Variants in DPYSL3 observed in about 807,000 individuals in gnomAD.
DPYSL3 encodes the protein dihydropyrimidinase-related protein 3.
DPYSL3 carries 16 observed loss-of-function variants against 66.1 expected under a neutral mutation model. The ratio of observed to expected loss-of-function variants is 0.24; its 90% CI spans 0.16 to 0.37. The LOEUF (loss-of-function observed/expected upper bound fraction) is 0.37, where lower values mean the gene tolerates loss of function less well. DPYSL3 is among the 10% of genes least tolerant of loss of function. DPYSL3 has a pLI of 1.00. For synonymous variants in DPYSL3, 338 were observed against 345.1 expected, an observed-to-expected ratio of 0.98 and a Z score of 0.23; for missense variants, 738 against 916.2, an observed-to-expected ratio of 0.81 and a Z score of 2.51.
At chr5:147,471,793 C>T (rs1046912933) in intron 1 of DPYSL3, among the ~76,000 whole-genome samples, 3 of 152,092 alleles carry the variant, frequency 2.0e-5, no homozygotes, top group Non-Finnish European at 4.4e-5. Flanking sequence ...AGGATAGAAA[C>T]TCTATAACAA....
At chr5:147,399,844 C>T (rs1166560792) in intron 10 of DPYSL3, among the ~76,000 whole-genome samples, 3 of 152,144 alleles carry the variant, frequency 2.0e-5, no homozygotes, top group African/African-American at 7.2e-5. Context: ...ACGTACTGCT[C>T]TGCAGTATAT....
rs1197596628 is a variant in DPYSL3 at position 147,424,865 on chromosome 5, A to G, written c.470+10T>C. 1.3e-6 allele frequency: 2 copies of G among 1,592,398 alleles called. No homozygotes were observed. Among genetic ancestry groups the G allele is most frequent in the Non-Finnish European group, 8.6e-7 (1 of 1,163,274 alleles). On this transcript the variant is annotated intron_variant, in intron 2 of 13. Coordinates refer to ENST00000343218, the MANE Select transcript of DPYSL3 (RefSeq NM_001197294.2). ...GCAAAACAATAAAGAGAAGAATTCC[A>G]TATACATACTTTATTAAGCCATCTT... is the stretch of plus-strand genomic sequence containing the variant.
At chr5:147,450,372 A>G (rs1752705136) in intron 1 of DPYSL3, among the ~76,000 whole-genome samples, 1 of 152,312 alleles carries the variant, frequency 6.6e-6, no homozygotes, top group South Asian at 2.1e-4. Flanking sequence ...TTAAGTGATA[A>G]TCATTATGTA....
intron 1 of DPYSL3, among the ~76,000 whole-genome samples, chr5:147,469,235 C>G (rs1753051105): frequency 6.6e-6 from 1 of 152,208 alleles, no homozygotes. Flanking sequence ...CAATACACCT[C>G]CTTGACTGTT....
chr5:147,429,428 C>T (rs1367354224), intron 1 of DPYSL3, among the ~76,000 whole-genome samples: 2 of 151,962 alleles, frequency 1.3e-5, no homozygotes, highest in Non-Finnish European at 2.9e-5. Context: ...TTTCATCAGC[C>T]CAGAGTGGAT....
intron 1 of DPYSL3, among the ~76,000 whole-genome samples, chr5:147,490,907 T>C (rs937947628): frequency 6.6e-6 from 1 of 152,206 alleles, no homozygotes; most frequent in Non-Finnish European, 1.5e-5. Context: ...ATGTGAATTT[T>C]ACCTTCAAGA....
intron 1 of DPYSL3, among the ~76,000 whole-genome samples, chr5:147,476,017 G>C (rs191166185): frequency 6.6e-6 from 1 of 152,128 alleles, no homozygotes; most frequent in Non-Finnish European, 1.5e-5. Flanking sequence ...AACCTGCTGA[G>C]GTTGATACTA....
chr5:147,404,959 A>T (rs1275026231), intron 8 of DPYSL3, among the ~76,000 whole-genome samples: 1 of 152,108 alleles, frequency 6.6e-6, no homozygotes, highest in African/African-American at 2.4e-5. Flanking sequence ...TGAGCACATG[A>T]CCCAAGCCAG....
chr5:147,486,877 C>G (rs868675467), intron 1 of DPYSL3, among the ~76,000 whole-genome samples: 1 of 152,146 alleles, frequency 6.6e-6, no homozygotes. Flanking sequence ...ATTCACTCTC[C>G]CAATTATATC....
rs17106690 is a variant in DPYSL3 at position 147,412,061 on chromosome 5, T to C, written c.963+547A>G. On this transcript the variant is annotated intron_variant, in intron 6 of 13. Coordinates refer to ENST00000343218, the MANE Select transcript of DPYSL3 (RefSeq NM_001197294.2). ...GGAGAGATAACTGCTTCCTTCTTCC[T>C]TACAAATGATCAATTTGGGCCTTGG... is the stretch of plus-strand genomic sequence containing the variant. Among the ~76,000 whole-genome samples the C allele has an allele frequency of 0.014, 2,093 of 152,298 alleles. 128 individuals are homozygous for C. The East Asian group carries it at 0.19, about 14-fold the overall frequency.
At chr5:147,401,808 C>T in intron 8 of DPYSL3, 112 bp from the exon 9 acceptor site, 4 of 1,332,984 alleles carry the variant, frequency 3.0e-6, no homozygotes, top group Non-Finnish European at 4.1e-6. Context: ...CAGAGTCAGA[C>T]TGACCTGGGT....
At position 147,401,592 on chromosome 5, in the gene DPYSL3, G is replaced by A; in HGVS notation, c.1258C>T (p.Pro420Ser). Residue 420 changes from proline (P) to serine (S), a missense_variant, in exon 9 of 14, where the codon CCC becomes TCC. Transcript: ENST00000343218. ...GGAGTAGTTGGGTCAGGGCTCAGGG[G>A]TGGGGATGTCACAAATGCAGCCGCC... ...AKAAAFVTSP[P>S]LSPDPTTPDY... 1 of 1,613,958 alleles carries A rather than the reference G, an allele frequency of 6.2e-7. No homozygotes were observed. The highest frequency in any genetic ancestry group is 1.3e-5 in the African/African-American group (1 of 75,028).
At chr5:147,421,643 T>C (rs1252085437) in intron 2 of DPYSL3, among the ~76,000 whole-genome samples, 1 of 152,194 alleles carries the variant, frequency 6.6e-6, no homozygotes, top group African/African-American at 2.4e-5. Context: ...AACAGCATGG[T>C]ACTGGTAGCA....
At position 147,395,593 on chromosome 5, in the gene DPYSL3, C is replaced by T. The variant is rs200227942; in HGVS notation, c.1932G>A (p.Val644=). ...RGSPTRPNPP[V]RNLHQSGFSL... ...TAAATCCCGACTGATGAAGATTCCT[C>T]ACAGGTGGGTTCGGCCGAGTAGGAG... Residue 644 remains valine, a synonymous_variant, in exon 13 of 14, where the codon GTG becomes GTA. Coordinates refer to ENST00000343218, the MANE Select transcript of DPYSL3 (RefSeq NM_001197294.2). The T allele has an allele frequency of 1.2e-6, 2 of 1,613,790 alleles. No homozygotes were observed. The highest frequency in any genetic ancestry group is 1.7e-6 in the Non-Finnish European group (2 of 1,179,894).
At chr5:147,431,750 C>T (rs1245180426) in intron 1 of DPYSL3, among the ~76,000 whole-genome samples, 2 of 152,162 alleles carry the variant, frequency 1.3e-5, no homozygotes, top group East Asian at 3.9e-4. Context: ...TCAGCCAAGA[C>T]TTCCCCTTTT....
chr5:147,404,520 C>T (rs867593227), intron 8 of DPYSL3, among the ~76,000 whole-genome samples: 3 of 152,206 alleles, frequency 2.0e-5, no homozygotes, highest in Admixed American at 6.5e-5. Context: ...GCCACTGGCA[C>T]GCAGCAGTAG....
chr5:147,418,588 T>C lies in DPYSL3; in HGVS notation c.514A>G (p.Ile172Val), dbSNP rs754627549. The C allele has an allele frequency of 4.3e-6, 7 of 1,610,498 alleles. No individual in the cohort carries two copies. In the South Asian group the frequency reaches 7.8e-5, roughly 18 times the overall value. The change falls in exon 3 of 14, where the codon ATT becomes GTT. Residue 172 changes from isoleucine to valine, a missense_variant. Transcript: ENST00000343218. ...NLIVPGGVKT[I>V]EANGKMVIPG... ...ATCACCATCTTCCCATTGGCTTCAA[T>C]GGTCTTCACTCCTCCAGGAACAATC...
At chr5:147,483,695 A>G (rs1218255672) in intron 1 of DPYSL3, among the ~76,000 whole-genome samples, 1 of 152,232 alleles carries the variant, frequency 6.6e-6, no homozygotes, top group Non-Finnish European at 1.5e-5. Context: ...TTTATTACAC[A>G]GAATAATGAG....
At chr5:147,494,148 A>C (rs1009160016) in intron 1 of DPYSL3, among the ~76,000 whole-genome samples, 3 of 152,150 alleles carry the variant, frequency 2.0e-5, no homozygotes, top group Non-Finnish European at 4.4e-5. Flanking sequence ...AAGAAATTAC[A>C]AAAAAATCAA....
Sources: gnomAD v4.1 joint callset for allele counts (sites outside exome capture counted in the v4.1 genomes callset) on GRCh38, gnomAD v4.1.1 for gene constraint, MANE v1.5 for transcripts, NCBI Gene and HGNC (gene_info 2026-07-23, HGNC 2026-07-21) for gene names.